The following SATB2 variants were observed in gnomAD, a reference collection of about 807,000 sequenced individuals.
SATB2 encodes the protein DNA-binding protein SATB2.
A neutral mutation model predicts 73.4 loss-of-function variants in SATB2; 1 was observed. That is an observed-to-expected ratio of 0.01 (90% confidence interval 0.00 to 0.06). SATB2 has a LOEUF of 0.06. Among genes scored for constraint, SATB2 ranks in the 10% least tolerant of loss-of-function variants. The pLI is 1.00. For synonymous variants in SATB2, 397 were observed against 367.0 expected (o/e 1.08, Z -0.93); for missense variants, 459 against 945.8 (o/e 0.49, Z 6.75).
intron 6 of SATB2, among the ~76,000 whole-genome samples, chr2:199,362,911 T>G (rs564891350): frequency 1.3e-5 from 2 of 152,228 alleles, no homozygotes; most frequent in African/African-American, 4.8e-5. Flanking sequence ...TCCCTTTGCA[T>G]CCTTTCTTAA....
chr2:199,323,706 GTTATTA>G, intron 9 of SATB2, 91 bp downstream of exon 9: 4 of 1,282,154 alleles, frequency 3.1e-6, no homozygotes, highest in East Asian at 2.4e-5. Context: ...GGTTATTACT[GTTATTA>G]TTATTATAGG....
chr2:199,277,357 A>T (rs577807864), intron 10 of SATB2, among the ~76,000 whole-genome samples: 4 of 152,302 alleles, frequency 2.6e-5, no homozygotes, highest in Admixed American at 1.3e-4. Context: ...ATAAAAGTTT[A>T]AAAAAATGGG....
chr2:199,304,472 G>C (rs1687375250), intron 10 of SATB2, among the ~76,000 whole-genome samples: 1 of 152,112 alleles, frequency 6.6e-6, no homozygotes. Flanking sequence ...TTTCACTACT[G>C]ATCCCCTCAG....
chr2:199,315,172 C>T (rs939639224), intron 9 of SATB2, among the ~76,000 whole-genome samples: 1 of 151,974 alleles, frequency 6.6e-6, no homozygotes, highest in Non-Finnish European at 1.5e-5. Flanking sequence ...TTTTCTCTCT[C>T]TGTGTGTATA....
intron 6 of SATB2, among the ~76,000 whole-genome samples, chr2:199,362,245 T>C (rs1054779436): frequency 6.6e-6 from 1 of 152,230 alleles, no homozygotes; most frequent in Non-Finnish European, 1.5e-5. Context: ...CCTCTGCATC[T>C]GTACTGATGA....
chr2:199,282,395 A>G (rs1438111909), intron 10 of SATB2, among the ~76,000 whole-genome samples: 4 of 152,200 alleles, frequency 2.6e-5, no homozygotes, highest in African/African-American at 7.2e-5. Context: ...TGTATAACCT[A>G]TAAGATGGCA....
chr2:199,408,314 A>T (rs567292610), intron 3 of SATB2, among the ~76,000 whole-genome samples: 23 of 152,308 alleles, frequency 1.5e-4, no homozygotes, highest in African/African-American at 5.5e-4. Context: ...AATTATTTTT[A>T]AAATTATATA....
In SATB2 at chr2:199,358,242, C is replaced by T. The variant is rs192935728; in HGVS notation, c.701-9069G>A. 7.9e-5 allele frequency among the ~76,000 whole-genome samples: 12 copies of T among 152,206 alleles called. No homozygotes were observed. In the East Asian group the frequency reaches 2.3e-3, roughly 29 times the overall value. ...ATATGCCTAGTCACTGAAAATACTT[C>T]TGGTTTATTCTCTCCTAGTCAATAA... On this transcript the variant is annotated intron_variant, in intron 6 of 10. Transcript: ENST00000417098.
intron 9 of SATB2, among the ~76,000 whole-genome samples, chr2:199,322,104 A>G (rs906023199): frequency 3.3e-5 from 5 of 152,182 alleles, no homozygotes; most frequent in Non-Finnish European, 7.4e-5. Flanking sequence ...CTATTTCCAA[A>G]AGCCATACTG....
chr2:199,448,424 ACAAT>A lies in SATB2; in HGVS notation c.169+7441_169+7444del, dbSNP rs1460639809. Reference sequence around the variant, plus strand: ...TCTTGTGTTAAAAAAAAAATCAATCACAATCAGTTATGAAAGAACTGATACACTT... The same window carrying A: ...TCTTGTGTTAAAAAAAAAATCAATCACAGTTATGAAAGAACTGATACACTT... On this transcript the variant is annotated intron_variant, in intron 2 of 10. Transcript: ENST00000417098. 3.3e-5 allele frequency among the ~76,000 whole-genome samples: 5 copies of A among 152,288 alleles called. No homozygotes were observed. The East Asian group carries it at 9.6e-4, about 29-fold the overall frequency.
chr2:199,358,290 T>C (rs1689044937), intron 6 of SATB2, among the ~76,000 whole-genome samples: 1 of 152,072 alleles, frequency 6.6e-6, no homozygotes, highest in African/African-American at 2.4e-5. Flanking sequence ...GGTCAATTTA[T>C]TATACAAAAA....
chr2:199,416,268 G>A (rs1265761850), intron 3 of SATB2, among the ~76,000 whole-genome samples: 2 of 152,146 alleles, frequency 1.3e-5, no homozygotes, highest in Non-Finnish European at 2.9e-5. Context: ...AAAACATTAT[G>A]TACAAATCTA....
upstream of SATB2, chr2:199,460,393 G>A (rs544582521): frequency 2.0e-5 from 3 of 152,474 alleles, no homozygotes; most frequent in Admixed American, 6.5e-5. This position sits in a 1 kb window ranked among gnomAD's most constrained non-coding sequence, Gnocchi z 4.0. Flanking sequence ...ACAACATGGG[G>A]AAAGGCGTAT....
At chr2:199,380,569 C>A in intron 4 of SATB2, 82 bp from the exon 5 acceptor site, 2 of 1,549,482 alleles carry the variant, frequency 1.3e-6, no homozygotes, top group Non-Finnish European at 1.8e-6. Flanking sequence ...AGCAGCCATT[C>A]TTGGGTCTTG....
intron 8 of SATB2, 138 bp downstream of exon 8, chr2:199,328,560 A>G (rs930650306): frequency 3.2e-6 from 2 of 627,088 alleles, no homozygotes; most frequent in African/African-American, 3.8e-5. Flanking sequence ...AAAATAAAAT[A>G]AAATAAAATA....
upstream of SATB2, among the ~76,000 whole-genome samples, chr2:199,469,211 C>A (rs1692654874): frequency 6.6e-6 from 1 of 152,208 alleles, no homozygotes; most frequent in Non-Finnish European, 1.5e-5. Context: ...ATTTTGTTAA[C>A]CGGAAAGGGT....
intron 9 of SATB2, among the ~76,000 whole-genome samples, chr2:199,321,269 A>G (rs1173281802): frequency 6.6e-6 from 1 of 151,928 alleles, no homozygotes; most frequent in Non-Finnish European, 1.5e-5. Flanking sequence ...TATATCCATA[A>G]GGTGTATGTA....
intron 6 of SATB2, among the ~76,000 whole-genome samples, chr2:199,354,656 T>C (rs1259540834): frequency 6.6e-6 from 1 of 152,184 alleles, no homozygotes; most frequent in Non-Finnish European, 1.5e-5. Flanking sequence ...ACCTTCCAGA[T>C]AAACAGTTCA....
chr2:199,311,032 C>G (rs1186865886), intron 9 of SATB2, among the ~76,000 whole-genome samples: 1 of 152,208 alleles, frequency 6.6e-6, no homozygotes. Flanking sequence ...TGCCATCAGT[C>G]TTTAAGAAGT....
Sources: allele counts gnomAD v4.1 joint callset (sites outside exome capture counted in the v4.1 genomes callset), GRCh38; gene constraint gnomAD v4.1.1; non-coding constraint Gnocchi (gnomAD v3.1); transcripts MANE v1.5; gene names NCBI Gene and HGNC (gene_info 2026-07-23, HGNC 2026-07-21).